Variants in C1QTNF3 observed in about 807,000 individuals in gnomAD.
The protein encoded by C1QTNF3 is C1q and TNF related 3.
Under a neutral mutation model 32.6 loss-of-function variants are expected in C1QTNF3, and 26 were observed. The ratio of observed to expected loss-of-function variants is 0.80; its 90% CI spans 0.58 to 1.11. The LOEUF is 1.11. Ranked by LOEUF, C1QTNF3 falls within the 50% of genes least tolerant of loss-of-function variation. The probability of loss-of-function intolerance (pLI) is 0.00; values close to 1 mark genes in which losing one functional copy is unlikely to be tolerated. For synonymous variants in C1QTNF3, 155 were observed against 146.0 expected, an observed-to-expected ratio of 1.06 and a Z score of -0.44; for missense variants, 362 against 398.2, an observed-to-expected ratio of 0.91 and a Z score of 0.77.
the C1QTNF3 span, chr5:34,175,752 C>G: frequency 1.5e-6 from 1 of 647,894 alleles, no homozygotes; most frequent in Non-Finnish European, 2.8e-6. Flanking sequence ...GCCAAAATGT[C>G]CAGAATGGGC....
the C1QTNF3 span, among the ~76,000 whole-genome samples, chr5:34,100,317 G>GA: frequency 6.6e-6 from 1 of 151,576 alleles, no homozygotes; most frequent in Non-Finnish European, 1.5e-5. Flanking sequence ...TTCCTCTCTT[G>GA]AAACTATTGC....
At chr5:34,145,611 A>G in the C1QTNF3 span, among the ~76,000 whole-genome samples, 3 of 149,890 alleles carry the variant, frequency 2.0e-5, no homozygotes, top group Non-Finnish European at 3.0e-5. Context: ...AAATTGAGGG[A>G]GACTCCTTCC....
the C1QTNF3 span, among the ~76,000 whole-genome samples, chr5:34,160,228 T>C: frequency 2.0e-5 from 3 of 152,126 alleles, no homozygotes; most frequent in South Asian, 6.2e-4. Context: ...ATTAAGTTAG[T>C]AGGTAGGCGA....
At chr5:34,183,943 A>T in the C1QTNF3 span, among the ~76,000 whole-genome samples, 11 of 152,422 alleles carry the variant, frequency 7.2e-5, no homozygotes, top group African/African-American at 2.6e-4. Context: ...TAATTATAAC[A>T]TATAGTAGTT....
the C1QTNF3 span, chr5:34,124,525 T>A: frequency 3.6e-5 from 25 of 703,794 alleles, no homozygotes; most frequent in Admixed American, 1.9e-4. Context: ...GAGGCACTAC[T>A]CACCTGTAAA....
intron 3 of C1QTNF3, among the ~76,000 whole-genome samples, chr5:34,030,705 G>A (rs1174724820): frequency 1.3e-5 from 2 of 152,110 alleles, no homozygotes; most frequent in Admixed American, 1.3e-4. Flanking sequence ...ATGATAGACT[G>A]GATAAAGAAA....
At chr5:34,116,131 T>C in the C1QTNF3 span, among the ~76,000 whole-genome samples, 3 of 152,314 alleles carry the variant, frequency 2.0e-5, no homozygotes, top group South Asian at 6.2e-4. Flanking sequence ...GACCCACTGC[T>C]TATTTAAGAA....
the C1QTNF3 span, among the ~76,000 whole-genome samples, chr5:34,090,053 T>C: frequency 2.0e-5 from 3 of 152,166 alleles, no homozygotes; most frequent in African/African-American, 7.2e-5. Flanking sequence ...TTAAATTAGG[T>C]TGCTCATCAC....
chr5:34,156,072 T>A, the C1QTNF3 span, among the ~76,000 whole-genome samples: 1 of 152,202 alleles, frequency 6.6e-6, no homozygotes, highest in South Asian at 2.1e-4. Context: ...TTTTTAAAAA[T>A]TATTTATTTA....
chr5:34,080,915 T>C, the C1QTNF3 span, among the ~76,000 whole-genome samples: 1 of 151,708 alleles, frequency 6.6e-6, no homozygotes, highest in Non-Finnish European at 1.5e-5. Context: ...TCTAGTCTTC[T>C]TTTCCCTTTG....
chr5:34,238,351 A>C, the C1QTNF3 span, among the ~76,000 whole-genome samples: 1 of 152,232 alleles, frequency 6.6e-6, no homozygotes, highest in Non-Finnish European at 1.5e-5. Context: ...ATGAACATTA[A>C]GGAGAAAGTT....
intron 4 of C1QTNF3, among the ~76,000 whole-genome samples, chr5:34,027,681 T>C (rs939442762): frequency 1.4e-5 from 2 of 138,402 alleles, no homozygotes; most frequent in Non-Finnish European, 3.0e-5. Context: ...CACTCCAGGC[T>C]GGTTGATAGA....
chr5:34,079,439 A>G, the C1QTNF3 span, among the ~76,000 whole-genome samples: 1 of 151,544 alleles, frequency 6.6e-6, no homozygotes, highest in Non-Finnish European at 1.5e-5. Flanking sequence ...TCCTACCAAC[A>G]GTGTCCCAGG....
chr5:34,212,587 T>G, the C1QTNF3 span, among the ~76,000 whole-genome samples: 12 of 151,956 alleles, frequency 7.9e-5, no homozygotes, highest in South Asian at 1.0e-3. Context: ...ATCAAAAAGT[T>G]GGCAAAGGAC....
chr5:34,165,134 T>C, the C1QTNF3 span: 3 of 152,196 alleles, frequency 2.0e-5, no homozygotes, highest in African/African-American at 4.8e-5. Flanking sequence ...CCAGGCTGTC[T>C]GGCCTTGGGA....
chr5:34,145,160 C>G, the C1QTNF3 span, among the ~76,000 whole-genome samples: 6 of 151,954 alleles, frequency 3.9e-5, no homozygotes, highest in East Asian at 1.2e-3. Flanking sequence ...TAAAAATAAA[C>G]TAGAGAAGAA....
chr5:34,141,174 C>A, the C1QTNF3 span, among the ~76,000 whole-genome samples: 1 of 152,066 alleles, frequency 6.6e-6, no homozygotes, highest in East Asian at 1.9e-4. Context: ...GGCTGGAGTG[C>A]AGTGGCGCAA....
Position 34,033,422 on chromosome 5 carries a change from C to T in C1QTNF3, c.452G>A (p.Gly151Asp). The T allele has an allele frequency of 1.2e-6, 2 of 1,614,186 alleles. No homozygotes were observed. Among genetic ancestry groups the T allele is most frequent in the Non-Finnish European group, 1.7e-6 (2 of 1,180,026 alleles). ...HGNNGNNGAT[G>D]HEGAKGEKGD... ...CTTCTCACCTTTGGCTCCTTCATGA[C>T]CAGTGGCTCCATTGTTGCCATTGTT... The change falls in exon 3 of 6, where the codon GGT (glycine) becomes GAT (aspartate). Residue 151 changes from glycine (G) to aspartate (D), a missense_variant. Transcript: ENST00000382065.
chr5:34,077,242 T>C, the C1QTNF3 span, among the ~76,000 whole-genome samples: 1 of 151,744 alleles, frequency 6.6e-6, no homozygotes, highest in African/African-American at 2.4e-5. Flanking sequence ...GTAGAACATC[T>C]GGCTTCTTAT....
Sources: gnomAD v4.1 joint callset for allele counts (sites outside exome capture counted in the v4.1 genomes callset) on GRCh38, gnomAD v4.1.1 for gene constraint, MANE v1.5 for transcripts, NCBI Gene and HGNC (gene_info 2026-07-23, HGNC 2026-07-21) for gene names.